Variants in FIRRM observed in about 807,000 individuals in gnomAD.
The protein encoded by FIRRM is FIGNL1-interacting regulator of recombination and mitosis.
At chr1:169,815,343 A>G in the FIRRM span, among the ~76,000 whole-genome samples, 2 of 151,760 alleles carry the variant, frequency 1.3e-5, no homozygotes, top group Non-Finnish European at 2.9e-5. Flanking sequence ...CCATAGGTGG[A>G]GCAACCCCTA....
At chr1:169,833,846 C>CTT in the FIRRM span, among the ~76,000 whole-genome samples, 968 of 96,024 alleles carry the variant, frequency 0.01, 16 homozygotes, top group African/African-American at 0.039. Flanking sequence ...AGTCACTTTC[C>CTT]TTTTTTTTTT....
chr1:169,831,134 AT>A, the FIRRM span, among the ~76,000 whole-genome samples: 84 of 149,604 alleles, frequency 5.6e-4, 1 homozygote, highest in South Asian at 6.5e-3. Flanking sequence ...ATTTTGTTGT[AT>A]TTTTTTTTTA....
At chr1:169,829,164 T>C in the FIRRM span, 286 of 1,098,280 alleles carry the variant, frequency 2.6e-4, no homozygotes, top group Admixed American at 1.4e-3. Context: ...CTTGAAACAT[T>C]TTCTGCTTAA....
the FIRRM span, chr1:169,803,139 T>C: frequency 6.2e-7 from 1 of 1,608,250 alleles, no homozygotes. Context: ...AAAAATATAT[T>C]CTAAGTGAAA....
the FIRRM span, among the ~76,000 whole-genome samples, chr1:169,818,509 A>G: frequency 6.6e-6 from 1 of 152,216 alleles, no homozygotes; most frequent in Non-Finnish European, 1.5e-5. Flanking sequence ...TTTCCCAGAA[A>G]TTACTTAAGT....
At chr1:169,792,916 T>C in the FIRRM span, 1 of 1,614,172 alleles carries the variant, frequency 6.2e-7, no homozygotes, top group Non-Finnish European at 8.5e-7. Flanking sequence ...GGCATTTATA[T>C]AGTTGTGTTA....
chr1:169,805,912 T>C, the FIRRM span: 6 of 708,296 alleles, frequency 8.5e-6, no homozygotes, highest in Non-Finnish European at 1.5e-5. Flanking sequence ...CAATCAAATG[T>C]TGAAATTGTT....
the FIRRM span, chr1:169,803,089 G>T: frequency 7.7e-6 from 10 of 1,295,246 alleles, no homozygotes; most frequent in Non-Finnish European, 9.8e-6. Context: ...TGCTGTATTT[G>T]TAGCACCCAG....
chr1:169,789,433 G>A, the FIRRM span, among the ~76,000 whole-genome samples: 1 of 152,202 alleles, frequency 6.6e-6, no homozygotes, highest in Non-Finnish European at 1.5e-5. Flanking sequence ...ACACAGAGAA[G>A]TCATAACTCA....
At chr1:169,809,988 A>C in the FIRRM span, among the ~76,000 whole-genome samples, 2 of 152,206 alleles carry the variant, frequency 1.3e-5, no homozygotes, top group African/African-American at 4.8e-5. Flanking sequence ...TGGGAAGCCC[A>C]ATATCAAGGC....
At chr1:169,811,661 T>C in the FIRRM span, among the ~76,000 whole-genome samples, 2 of 151,450 alleles carry the variant, frequency 1.3e-5, no homozygotes, top group African/African-American at 4.9e-5. Flanking sequence ...TCTAGATAGA[T>C]AGATAGATAG....
the FIRRM span, chr1:169,851,402 G>A: frequency 1.5e-4 from 24 of 157,420 alleles, no homozygotes; most frequent in South Asian, 4.7e-3. Flanking sequence ...GAGTGTGGTG[G>A]TGTGATCATA....
the FIRRM span, chr1:169,795,333 C>G: frequency 7.1e-7 from 1 of 1,417,184 alleles, no homozygotes. Flanking sequence ...CCTGAACCCC[C>G]TCTTTTCTTT....
chr1:169,842,295 T>C, the FIRRM span: 1 of 879,638 alleles, frequency 1.1e-6, no homozygotes, highest in Non-Finnish European at 1.6e-6. Context: ...CTTAGAAATA[T>C]TATTCTACAT....
chr1:169,803,807 T>C, the FIRRM span, among the ~76,000 whole-genome samples: 1 of 152,208 alleles, frequency 6.6e-6, no homozygotes, highest in Admixed American at 6.5e-5. Context: ...TTAATACCTC[T>C]CTTTGCTGAT....
At chr1:169,837,115 A>G in the FIRRM span, 3 of 1,576,088 alleles carry the variant, frequency 1.9e-6, no homozygotes, top group Non-Finnish European at 2.6e-6. Flanking sequence ...AATCTCTGGT[A>G]AGATAATAAT....
At chr1:169,795,186 A>G in the FIRRM span, 1 of 1,536,026 alleles carries the variant, frequency 6.5e-7, no homozygotes, top group Non-Finnish European at 8.7e-7. Flanking sequence ...GCCGCCGGGA[A>G]CTGCCGTCCG....
chr1:169,800,927 C>T, the FIRRM span: 1 of 1,597,848 alleles, frequency 6.3e-7, no homozygotes, highest in Non-Finnish European at 8.6e-7. Context: ...TCATATGAAC[C>T]ACCTGACATT....
At chr1:169,808,631 G>A in the FIRRM span, among the ~76,000 whole-genome samples, 1 of 145,620 alleles carries the variant, frequency 6.9e-6, no homozygotes, top group South Asian at 2.2e-4. Flanking sequence ...TTGAGATGGC[G>A]TCTCACTCTG....
Sources: gnomAD v4.1 joint callset for allele counts (sites outside exome capture counted in the v4.1 genomes callset) on GRCh38, gnomAD v4.1.1 for gene constraint, MANE v1.5 for transcripts, NCBI Gene and HGNC (gene_info 2026-07-23, HGNC 2026-07-21) for gene names.